MBD3: variants seen among roughly 807,000 people sequenced by gnomAD.
The protein encoded by MBD3 is methyl-CpG-binding domain protein 3.
MBD3 carries 13 observed loss-of-function variants against 31.2 expected under a neutral mutation model. That is an observed-to-expected ratio of 0.42 (90% CI 0.27 to 0.66). MBD3 has a LOEUF of 0.66. Ranked by LOEUF, MBD3 falls within the 30% of genes least tolerant of loss-of-function variation. The pLI, the probability that MBD3 is intolerant of heterozygous loss-of-function variation, is 0.26. For synonymous variants in MBD3, 223 were observed against 187.4 expected (o/e 1.19, Z -1.55); for missense variants, 440 against 426.5 (o/e 1.03, Z -0.28).
chr19:1,584,760 C>G, intron 2 of MBD3, 83 bp from the exon 3 acceptor site: 1 of 1,423,356 alleles, frequency 7.0e-7, no homozygotes. Context: ...CGGGTGACCC[C>G]CTGCTTTGCC....
chr19:1,581,400 A>T, intron 4 of MBD3, 131 bp from the exon 5 acceptor site: 2 of 922,402 alleles, frequency 2.2e-6, no homozygotes, highest in Non-Finnish European at 3.4e-6. Context: ...CTTGGGTTCC[A>T]TTTCTAAATT....
chr19:1,592,658 G>T lies in MBD3; in HGVS notation c.-27C>A, dbSNP rs575346197. The T allele has an allele frequency of 1.9e-6, 2 of 1,078,556 alleles. No individual in the cohort carries two copies. The highest frequency in any genetic ancestry group is 2.4e-6 in the Non-Finnish European group (2 of 841,872). The allele number at this position is 1,078,556 out of a possible 1,614,324, so 66.8% of individuals were successfully genotyped here. A position where few individuals can be genotyped will look rare whatever the true frequency, so the allele number is the denominator to read the frequency against. On this transcript the variant is annotated 5_prime_UTR_variant, in exon 1 of 7. Transcript: ENST00000434436. ...GCGCCCGGCTCCTCGGCCCGCCGCCGGGCCCGCCGCCGCCGCCCGGACCCC... is the reference window on the plus strand; with the variant it reads ...GCGCCCGGCTCCTCGGCCCGCCGCCTGGCCCGCCGCCGCCGCCCGGACCCC...
rs1568271541 is a variant in MBD3, at chr19:1,576,097, G to C, written c.*2067C>G. Reference sequence around the variant, plus strand: ...GCGCAAGAGAGAGACAAGAGGGAGAGATAGAGACAGGGATAGACAGAGACA... The same window carrying C: ...GCGCAAGAGAGAGACAAGAGGGAGACATAGAGACAGGGATAGACAGAGACA... On this transcript the variant is annotated 3_prime_UTR_variant, in exon 7 of 7. Coordinates refer to ENST00000434436, the MANE Select transcript of MBD3 (RefSeq NM_001281453.2). The C allele has an allele frequency of 6.6e-6, 1 of 152,474 alleles. No homozygotes were observed. Among genetic ancestry groups the C allele is most frequent in the Non-Finnish European group, 1.5e-5 (1 of 68,292 alleles). The allele number at this position is 152,474 out of a possible 1,614,324, so 9.4% of individuals were successfully genotyped here.
In MBD3 at chr19:1,592,593, C is replaced by A; in HGVS notation, c.39G>T (p.Gln13His). 2 of 1,416,646 alleles carry A rather than the reference C, an allele frequency of 1.4e-6. No homozygotes were observed. Among genetic ancestry groups the A allele is most frequent in the Non-Finnish European group, 9.4e-7 (1 of 1,061,054 alleles). 87.8% of individuals were successfully genotyped at this position (1,416,646 alleles called of 1,614,324 possible). A position where few individuals can be genotyped will look rare whatever the true frequency, so the allele number is the denominator to read the frequency against. The part of the protein sequence containing the change: ...RKRWECPALP[Q>H]GWEREEVPRR... ...TGGGCACTTCTTCCCTCTCCCAGCC[C>A]TGCGGGAGCGCCGGGCACTCCCACC... The change falls in exon 1 of 7, where the codon CAG becomes CAT. Residue 13 changes from glutamine to histidine, a missense_variant. Coordinates refer to ENST00000434436, the MANE Select transcript of MBD3 (RefSeq NM_001281453.2).
At chr19:1,591,037 G>C (rs1425885811) in intron 1 of MBD3, among the ~76,000 whole-genome samples, 1 of 152,206 alleles carries the variant, frequency 6.6e-6, no homozygotes, top group African/African-American at 2.4e-5. Flanking sequence ...AGGATACTCC[G>C]CTCAAGCTGG....
Position 1,585,391 on chromosome 19 carries a change from A to C in MBD3, c.111-177T>G. 9.4e-6 allele frequency: 6 copies of C among 640,912 alleles called. No individual in the cohort carries two copies. The highest frequency in any genetic ancestry group is 2.8e-5 in the East Asian group (1 of 35,120). The allele number at this position is 640,912 out of a possible 1,614,324, so 39.7% of individuals were successfully genotyped here. Reference sequence around the variant, plus strand: ...GCCCTGGCCCCAGCCCCAGACCCCAACCCTGGCGTGACCCCAGACCTTCAT... The same window carrying C: ...GCCCTGGCCCCAGCCCCAGACCCCACCCCTGGCGTGACCCCAGACCTTCAT... On this transcript the variant is annotated intron_variant, in intron 1 of 6. Transcript: ENST00000434436. This position sits in a 1 kb window ranked among gnomAD's most constrained non-coding sequence, Gnocchi z 4.1.
chr19:1,581,916 C>T (rs1411683197), intron 4 of MBD3, among the ~76,000 whole-genome samples: 6 of 152,106 alleles, frequency 3.9e-5, no homozygotes, highest in East Asian at 1.9e-4. Flanking sequence ...TACAGGCGGC[C>T]GCCACTACAC....
Position 1,578,358 on chromosome 19 carries a change from C to T in MBD3, c.858G>A (p.Pro286=), listed in dbSNP as rs201487894. The part of the protein sequence containing the change: ...EEEEEEPDPD[P]EMEHV ...ACCTGCCCTAGACGTGCTCCATCTC[C>T]GGGTCCGGGTCGGGCTCCTCCTCCT... Residue 286 remains proline, a synonymous_variant, in exon 6 of 7, where the codon CCG becomes CCA. Transcript: ENST00000434436. The surrounding 1 kb of genome is among the most constrained non-coding windows in gnomAD (Gnocchi z 6.1). The T allele has an allele frequency of 8.0e-5, 129 of 1,603,798 alleles. 1 individual carries two copies. Among genetic ancestry groups the T allele is most frequent in the Middle Eastern group, 3.5e-4 (2 of 5,760 alleles).
Position 1,576,276 on chromosome 19 carries a change from G to A in MBD3, c.*1888C>T, listed in dbSNP as rs1917188697. 2.0e-5 allele frequency: 3 copies of A among 152,198 alleles called. No individual in the cohort carries two copies. The highest frequency in any genetic ancestry group is 6.5e-5 in the Admixed American group (1 of 15,274). The allele number at this position is 152,198 out of a possible 1,614,324, so 9.4% of individuals were successfully genotyped here. A position where few individuals can be genotyped will look rare whatever the true frequency, so the allele number is the denominator to read the frequency against. The stretch of plus-strand genomic sequence containing the variant: ...CCATGGCTAGTGAGCTGAAGTCCAG[G>A]GTCCCGGGGCACAGCTCCCCTCCCT... On this transcript the variant is annotated 3_prime_UTR_variant, in exon 7 of 7. Transcript: ENST00000434436.
chr19:1,577,106 C>G lies in MBD3; in HGVS notation c.*1058G>C, dbSNP rs1386364877. 5 of 152,480 alleles carry G rather than the reference C, an allele frequency of 3.3e-5. No homozygotes were observed. The East Asian group carries it at 7.7e-4, about 23-fold the overall frequency. 9.4% of individuals were successfully genotyped at this position (152,480 alleles called of 1,614,324 possible). A position where few individuals can be genotyped will look rare whatever the true frequency, so the allele number is the denominator to read the frequency against. ...CCTCTCTATGGGCCTAAGGTCAATG[C>G]AGGTGGGGGCTCGCTGGGCCCAGGC... On this transcript the variant is annotated 3_prime_UTR_variant, in exon 7 of 7. Coordinates refer to ENST00000434436, the MANE Select transcript of MBD3 (RefSeq NM_001281453.2).
intron 1 of MBD3, among the ~76,000 whole-genome samples, chr19:1,588,651 C>T (rs2145608406): frequency 6.6e-6 from 1 of 151,974 alleles, no homozygotes; most frequent in East Asian, 1.9e-4. Context: ...CACAGTGGCA[C>T]GTGCCTATAG....
At position 1,585,596 on chromosome 19, in the gene MBD3, A is replaced by C. The variant is rs1450945922; in HGVS notation, c.111-382T>G. On this transcript the variant is annotated intron_variant, in intron 1 of 6. Transcript: ENST00000434436. This position sits in a 1 kb window ranked among gnomAD's most constrained non-coding sequence, Gnocchi z 4.1. ...ACCGTAGGCCCTGGCAGCGTCAGGC[A>C]CAGCAGACGCTGAGTTCGGGTACAA... 5 of 293,526 alleles carry C rather than the reference A, an allele frequency of 1.7e-5. No individual in the cohort carries two copies. In the East Asian group the frequency reaches 3.6e-4, roughly 21 times the overall value. The allele number at this position is 293,526 out of a possible 1,614,324, so 18.2% of individuals were successfully genotyped here.
At position 1,582,608 on chromosome 19, in the gene MBD3, G is replaced by A; in HGVS notation, c.499+14C>T. 6.2e-7 allele frequency: 1 copy of A among 1,612,586 alleles called. No homozygotes were observed. Among genetic ancestry groups the A allele is most frequent in the East Asian group, 2.2e-5 (1 of 44,866 alleles). Reference sequence around the variant, plus strand: ...GCACATCCCCTTCCGCCTCCCCTCAGGGTGCCCGCTCACCCTGCAGGCCCT... The same window carrying A: ...GCACATCCCCTTCCGCCTCCCCTCAAGGTGCCCGCTCACCCTGCAGGCCCT... On this transcript the variant is annotated intron_variant, in intron 4 of 6. Coordinates refer to ENST00000434436, the MANE Select transcript of MBD3 (RefSeq NM_001281453.2).
Position 1,585,693 on chromosome 19 carries a change from T to C in MBD3, c.111-479A>G, listed in dbSNP as rs2060676066. On this transcript the variant is annotated intron_variant, in intron 1 of 6. Transcript: ENST00000434436. The surrounding 1 kb of genome is among the most constrained non-coding windows in gnomAD (Gnocchi z 4.1). Reference sequence around the variant, plus strand: ...TCACATGTCCAGAACATTCCAGACATGGAATTTAGGTCACATTCTTGAGAA... The same window carrying C: ...TCACATGTCCAGAACATTCCAGACACGGAATTTAGGTCACATTCTTGAGAA... Among the ~76,000 whole-genome samples, 1 of 152,070 alleles carries C rather than the reference T, an allele frequency of 6.6e-6. No individual in the cohort carries two copies. Among genetic ancestry groups the C allele is most frequent in the African/African-American group, 2.4e-5 (1 of 41,386 alleles).
rs1336624127 is a variant in MBD3, at chr19:1,574,640, C to T, written c.*3524G>A. The T allele has an allele frequency of 6.5e-6, 1 of 152,974 alleles. No individual in the cohort carries two copies. The highest frequency in any genetic ancestry group is 2.4e-5 in the African/African-American group (1 of 41,450). The allele number at this position is 152,974 out of a possible 1,614,324, so 9.5% of individuals were successfully genotyped here. A position where few individuals can be genotyped will look rare whatever the true frequency, so the allele number is the denominator to read the frequency against. On this transcript the variant is annotated 3_prime_UTR_variant, in exon 7 of 7. Coordinates refer to ENST00000434436, the MANE Select transcript of MBD3 (RefSeq NM_001281453.2). ...TTTACACTTTTTGGACCCCTTGAAT[C>T]TGGAGCGAGTGTGACAGAATCTCAC...
intron 5 of MBD3, among the ~76,000 whole-genome samples, chr19:1,579,061 G>A (rs1917284935): frequency 1.3e-5 from 2 of 151,734 alleles, no homozygotes; most frequent in Admixed American, 1.3e-4. Context: ...GCGGCCGCCT[G>A]TAGTCCCAGC....
In MBD3 at chr19:1,577,475, G is replaced by A. The variant is rs1391054812; in HGVS notation, c.*689C>T. On this transcript the variant is annotated 3_prime_UTR_variant, in exon 7 of 7. Coordinates refer to ENST00000434436, the MANE Select transcript of MBD3 (RefSeq NM_001281453.2). ...CAGTGGAGCATTCTGGCAGCGCCGG[G>A]CGACCAAGTCCCGACTGGCAGCGGC... 6.6e-6 allele frequency: 1 copy of A among 152,290 alleles called. No individual in the cohort carries two copies. Among genetic ancestry groups the A allele is most frequent in the Non-Finnish European group, 1.5e-5 (1 of 68,082 alleles). 9.4% of individuals were successfully genotyped at this position (152,290 alleles called of 1,614,324 possible). A position where few individuals can be genotyped will look rare whatever the true frequency, so the allele number is the denominator to read the frequency against.
Position 1,584,406 on chromosome 19 carries a change from G to A in MBD3, c.408+134C>T, listed in dbSNP as rs897484438. 1.1e-5 allele frequency: 15 copies of A among 1,352,728 alleles called. No individual in the cohort carries two copies. In the African/African-American group the frequency reaches 1.3e-4, roughly 12 times the overall value. The allele number at this position is 1,352,728 out of a possible 1,614,324, so 83.8% of individuals were successfully genotyped here. ...TAATTTTTTACTTGTTTTTTGCCTC[G>A]TCATGTTGCCCAGGCTAGCCTGGAA... On this transcript the variant is annotated intron_variant, in intron 3 of 6. Transcript: ENST00000434436.
intron 5 of MBD3, among the ~76,000 whole-genome samples, chr19:1,580,505 C>T (rs1917327005): frequency 6.6e-6 from 1 of 152,244 alleles, no homozygotes; most frequent in Non-Finnish European, 1.5e-5. Flanking sequence ...CTGCACTGAA[C>T]GTGAAAGGTC....
Sources: gnomAD v4.1 joint callset for allele counts (sites outside exome capture counted in the v4.1 genomes callset) on GRCh38, gnomAD v4.1.1 for gene constraint, Gnocchi (gnomAD v3.1) non-coding constraint, MANE v1.5 for transcripts, NCBI Gene and HGNC (gene_info 2026-07-23, HGNC 2026-07-21) for gene names.